The following ELAVL4 variants were observed in gnomAD, a reference collection of about 807,000 sequenced individuals.
ELAVL4 encodes ELAV-like protein 4.
In ELAVL4, 1 loss-of-function variant was observed where a neutral mutation model predicts 35.6. That is an observed-to-expected ratio of 0.03 (90% CI 0.01 to 0.13). The LOEUF (loss-of-function observed/expected upper bound fraction) is 0.13, where lower values mean the gene tolerates loss of function less well. Ranked by LOEUF, ELAVL4 falls within the 10% of genes least tolerant of loss-of-function variation. ELAVL4 has a pLI of 1.00. For missense variants in ELAVL4, 267 were observed against 464.9 expected (o/e 0.57, Z 3.91); for synonymous variants, 156 against 171.0 (o/e 0.91, Z 0.69).
In ELAVL4 at chr1:50,201,244, C is replaced by T. The variant is rs1644380125; in HGVS notation, c.*66C>T. 2 of 1,442,394 alleles carry T rather than the reference C, an allele frequency of 1.4e-6. No homozygotes were observed. Among genetic ancestry groups the T allele is most frequent in the East Asian group, 5.0e-5 (2 of 39,792 alleles). 89.3% of individuals were successfully genotyped at this position (1,442,394 alleles called of 1,614,324 possible). A position where few individuals can be genotyped will look rare whatever the true frequency, so the allele number is the denominator to read the frequency against. On this transcript the variant is annotated 3_prime_UTR_variant, in exon 7 of 7. Coordinates refer to ENST00000371824, the MANE Select transcript of ELAVL4 (RefSeq NM_001144774.3). The surrounding 1 kb of genome is among the most constrained non-coding windows in gnomAD (Gnocchi z 4.3). ...TACGAACAAAACACACGCGCGCACACACACACATACACGAAAGAGAGAGAA... is the reference window on the plus strand; with the variant it reads ...TACGAACAAAACACACGCGCGCACATACACACATACACGAAAGAGAGAGAA...
chr1:50,165,437 T>TAG (rs1329594898), intron 2 of ELAVL4, among the ~76,000 whole-genome samples: 3 of 150,452 alleles, frequency 2.0e-5, no homozygotes, highest in South Asian at 4.2e-4. Context: ...GATATATATA[T>TAG]ATATAGATAT....
intron 5 of ELAVL4, among the ~76,000 whole-genome samples, chr1:50,197,167 TG>T (rs1160065303): frequency 6.6e-6 from 1 of 151,844 alleles, no homozygotes; most frequent in Non-Finnish European, 1.5e-5. Flanking sequence ...TTCTGAGAGG[TG>T]GGGGGAATGG....
intron 1 of ELAVL4, among the ~76,000 whole-genome samples, chr1:50,069,190 C>T (rs1289006990): frequency 1.3e-5 from 2 of 152,188 alleles, no homozygotes; most frequent in African/African-American, 4.8e-5. Flanking sequence ...GCTAAGAGGA[C>T]TGCCTGCTTT....
intron 3 of ELAVL4, among the ~76,000 whole-genome samples, chr1:50,186,115 T>A (rs1409786402): frequency 6.6e-6 from 1 of 152,248 alleles, no homozygotes; most frequent in Non-Finnish European, 1.5e-5. Context: ...ACATCTTTTC[T>A]ATTCTTTAAA....
intron 2 of ELAVL4, among the ~76,000 whole-genome samples, chr1:50,151,020 G>A (rs1674691140): frequency 6.6e-6 from 1 of 152,206 alleles, no homozygotes; most frequent in African/African-American, 2.4e-5. Context: ...CAAGCATTGT[G>A]CTGAGATCAG....
At chr1:50,159,526 T>C (rs1676388951) in intron 2 of ELAVL4, among the ~76,000 whole-genome samples, 1 of 151,980 alleles carries the variant, frequency 6.6e-6, no homozygotes, top group South Asian at 2.1e-4. Context: ...CGAGAATCAC[T>C]TGAACCTGAG....
At chr1:50,091,615 G>A (rs570658944) in intron 1 of ELAVL4, among the ~76,000 whole-genome samples, 7 of 152,240 alleles carry the variant, frequency 4.6e-5, no homozygotes, top group Middle Eastern at 3.4e-3. Context: ...CTATTGTTCC[G>A]TAACAGACTT....
intron 2 of ELAVL4, among the ~76,000 whole-genome samples, chr1:50,159,031 C>T (rs1179006968): frequency 2.2e-5 from 3 of 139,004 alleles, no homozygotes; most frequent in Non-Finnish European, 3.1e-5. Context: ...CAGAGCAAGA[C>T]TCCTTCTCAA....
intron 2 of ELAVL4, among the ~76,000 whole-genome samples, chr1:50,175,048 A>G (rs541867254): frequency 6.6e-6 from 1 of 152,334 alleles, no homozygotes; most frequent in Non-Finnish European, 1.5e-5. Flanking sequence ...GAACTTATGC[A>G]TAAGGTTTAT....
intron 3 of ELAVL4, among the ~76,000 whole-genome samples, chr1:50,178,331 C>T (rs1288789578): frequency 1.3e-5 from 2 of 152,202 alleles, no homozygotes; most frequent in Non-Finnish European, 2.9e-5. Context: ...ACTTTTTAGT[C>T]CAACAAAGCT....
chr1:50,133,599 A>AAAAGAAAAAAAGAAAGAAAGAAAG (rs1553174457), intron 1 of ELAVL4, among the ~76,000 whole-genome samples: 1 of 129,178 alleles, frequency 7.7e-6, no homozygotes, highest in African/African-American at 2.9e-5. Context: ...AGAAAGAAAG[A>AAAAGAAAAAAAGAAAGAAAGAAAG]AAAGAAAGAA....
At chr1:50,142,109 T>G (rs917598714) in intron 1 of ELAVL4, among the ~76,000 whole-genome samples, 1 of 152,244 alleles carries the variant, frequency 6.6e-6, no homozygotes, top group Admixed American at 6.5e-5. Flanking sequence ...AAGCTTTTTA[T>G]TCCAGTTTTG....
chr1:50,171,147 C>A (rs1678933129), intron 2 of ELAVL4, among the ~76,000 whole-genome samples: 1 of 152,082 alleles, frequency 6.6e-6, no homozygotes, highest in Admixed American at 6.6e-5. Context: ...AGGAAATAAG[C>A]CAAGACTCAT....
intron 2 of ELAVL4, among the ~76,000 whole-genome samples, chr1:50,161,913 G>A (rs1676873877): frequency 6.6e-6 from 1 of 152,184 alleles, no homozygotes; most frequent in African/African-American, 2.4e-5. Context: ...AATGAATAGT[G>A]TAGCTTTGTA....
At chr1:50,072,808 A>G (rs894070520) in intron 1 of ELAVL4, among the ~76,000 whole-genome samples, 28 of 152,162 alleles carry the variant, frequency 1.8e-4, no homozygotes, top group African/African-American at 6.8e-4. Context: ...CCTCATTTTT[A>G]CAGATGAGGA....
chr1:50,197,303 T>C, intron 5 of ELAVL4, 126 bp from the exon 6 acceptor site: 1 of 880,494 alleles, frequency 1.1e-6, no homozygotes, highest in Non-Finnish European at 1.7e-6. Flanking sequence ...GTGGATAGAC[T>C]CCTAAGCAGT....
At chr1:50,136,033 CA>C (rs1221969806) in intron 1 of ELAVL4, among the ~76,000 whole-genome samples, 1 of 150,060 alleles carries the variant, frequency 6.7e-6, no homozygotes, top group Non-Finnish European at 1.5e-5. Flanking sequence ...TGTTGCATTT[CA>C]AAAAAAAATA....
chr1:50,083,348 C>T (rs1300198767), intron 1 of ELAVL4, among the ~76,000 whole-genome samples: 2 of 152,092 alleles, frequency 1.3e-5, no homozygotes, highest in Non-Finnish European at 2.9e-5. Flanking sequence ...TCTTGAACAC[C>T]TGCCAGATAC....
chr1:50,101,711 G>C (rs1042326330), upstream of ELAVL4, among the ~76,000 whole-genome samples: 1 of 151,902 alleles, frequency 6.6e-6, no homozygotes, highest in Non-Finnish European at 1.5e-5. Context: ...TTCAAGACAA[G>C]GCTGGGCAAA....
Sources: allele counts gnomAD v4.1 joint callset (sites outside exome capture counted in the v4.1 genomes callset), GRCh38; gene constraint gnomAD v4.1.1; non-coding constraint Gnocchi (gnomAD v3.1); transcripts MANE v1.5; gene names NCBI Gene and HGNC (gene_info 2026-07-23, HGNC 2026-07-21).